Variants in ESYT2 observed in about 807,000 individuals in gnomAD.
ESYT2 encodes the protein extended synaptotagmin-2.
A neutral mutation model predicts 107.2 loss-of-function variants in ESYT2; 54 were observed. That is an observed-to-expected ratio of 0.50 (90% confidence interval 0.40 to 0.63). ESYT2 has a LOEUF of 0.63. Among genes scored for constraint, ESYT2 ranks in the 30% least tolerant of loss-of-function variants. The probability of loss-of-function intolerance (pLI) is 0.00; values close to 1 mark genes in which losing one functional copy is unlikely to be tolerated. For synonymous variants in ESYT2, 491 were observed against 434.1 expected (o/e 1.13, Z -1.63); for missense variants, 1,020 against 1,094.5 (o/e 0.93, Z 0.96).
intron 14 of ESYT2, among the ~76,000 whole-genome samples, chr7:158,750,307 G>A (rs1837540158): frequency 6.6e-6 from 1 of 152,002 alleles, no homozygotes; most frequent in South Asian, 2.1e-4. Context: ...ATATAAATAT[G>A]AAGAAAAAAT....
chr7:158,742,719 G>T (rs533073244), intron 17 of ESYT2, among the ~76,000 whole-genome samples: 1 of 152,318 alleles, frequency 6.6e-6, no homozygotes, highest in African/African-American at 2.4e-5. Flanking sequence ...CTCCACTCAC[G>T]TGACAGCTTA....
In ESYT2 at chr7:158,798,010, G is replaced by A. The variant is rs1371824641; in HGVS notation, c.439C>T (p.Pro147Ser). ...TGGGTGTTTGCTCCCCGCACGGCTG[G>A]TTCTATAGTTTCTCGAAACAACTTC... ...IEKLFRETIE[P>S]AVRGANTHLS... The change falls in exon 3 of 23, where the codon CCA becomes TCA. Residue 147 changes from proline to serine, a missense_variant. Physicochemically the swap from Pro to Ser is moderately conservative, Grantham distance 74. Transcript: ENST00000275418. 6.2e-7 allele frequency: 1 copy of A among 1,614,144 alleles called. No individual in the cohort carries two copies.
intron 6 of ESYT2, among the ~76,000 whole-genome samples, chr7:158,782,447 C>T (rs903648852): frequency 2.7e-5 from 4 of 150,814 alleles, no homozygotes; most frequent in Admixed American, 6.6e-5. Flanking sequence ...AGTGTAAGAA[C>T]GAGAACAAGT....
At chr7:158,798,535 A>G (rs1839537834) in intron 2 of ESYT2, among the ~76,000 whole-genome samples, 1 of 149,424 alleles carries the variant, frequency 6.7e-6, no homozygotes, top group African/African-American at 2.5e-5. Context: ...AATCCCAGCT[A>G]CTCGGGAGGC....
At chr7:158,812,250 G>A (rs1240401646) in intron 1 of ESYT2, among the ~76,000 whole-genome samples, 4 of 152,178 alleles carry the variant, frequency 2.6e-5, no homozygotes, top group Admixed American at 2.0e-4. Context: ...CAGCCACTTC[G>A]CCGAGACTGC....
In ESYT2 at chr7:158,733,538, A is replaced by C. The variant is rs529477594; in HGVS notation, c.*669T>G. Reference sequence around the variant, plus strand: ...TGACAATTCTCTTAATATATTACTCAGTTATAAAACATTTTTCCTTATAAG... The same window carrying C: ...TGACAATTCTCTTAATATATTACTCCGTTATAAAACATTTTTCCTTATAAG... On this transcript the variant is annotated 3_prime_UTR_variant, in exon 23 of 23. Transcript: ENST00000275418. 7 of 152,370 alleles carry C rather than the reference A, an allele frequency of 4.6e-5. No individual in the cohort carries two copies. Among genetic ancestry groups the C allele is most frequent in the African/African-American group, 1.7e-4 (7 of 41,596 alleles). 9.4% of individuals were successfully genotyped at this position (152,370 alleles called of 1,614,324 possible). A position where few individuals can be genotyped will look rare whatever the true frequency, so the allele number is the denominator to read the frequency against.
At chr7:158,791,438 T>A (rs1839290015) in intron 4 of ESYT2, among the ~76,000 whole-genome samples, 1 of 152,252 alleles carries the variant, frequency 6.6e-6, no homozygotes, top group Admixed American at 6.5e-5. Context: ...TTCGGGTATG[T>A]ACACAGAGGC....
chr7:158,819,809 AG>A (rs1263078064), intron 1 of ESYT2, among the ~76,000 whole-genome samples: 1 of 152,236 alleles, frequency 6.6e-6, no homozygotes, highest in East Asian at 1.9e-4. Flanking sequence ...AGAAAGATAA[AG>A]GGGGACTTCA....
In ESYT2 at chr7:158,793,680, T is replaced by A; in HGVS notation, c.554A>T (p.Lys185Ile). The change falls in exon 4 of 23, where the codon AAA (lysine) becomes ATA (isoleucine). Residue 185 changes from lysine to isoleucine, a missense_variant. Transcript: ENST00000275418. ...GVKVYTENVD[K>I]RQIILDLQIS... is the part of the protein sequence containing the mutation. ...CTGAAGGTCCAAAATAATTTGCCTT[T>A]TGTCTACATTTTCAGTGTATACCTT... 1.2e-6 allele frequency: 2 copies of A among 1,613,590 alleles called. No homozygotes were observed. Among genetic ancestry groups the A allele is most frequent in the Non-Finnish European group, 1.7e-6 (2 of 1,179,768 alleles).
intron 21 of ESYT2, 39 bp downstream of exon 21, chr7:158,735,464 A>G (rs1341744330): frequency 1.3e-6 from 2 of 1,552,094 alleles, no homozygotes. Context: ...TCAATTTTAC[A>G]AACTGCAGGA....
intron 4 of ESYT2, among the ~76,000 whole-genome samples, chr7:158,788,627 T>C (rs1387402054): frequency 1.3e-5 from 2 of 152,244 alleles, no homozygotes; most frequent in East Asian, 3.9e-4. Context: ...TGCTATGACG[T>C]TGGGAGGAAT....
chr7:158,811,542 C>T (rs1026442481), intron 1 of ESYT2, among the ~76,000 whole-genome samples: 4 of 152,204 alleles, frequency 2.6e-5, no homozygotes, highest in African/African-American at 9.6e-5. Context: ...TGCGCGTTCA[C>T]AGGAACACAC....
At chr7:158,736,600 T>A (rs1836960322) in intron 20 of ESYT2, among the ~76,000 whole-genome samples, 1 of 139,262 alleles carries the variant, frequency 7.2e-6, no homozygotes, top group Non-Finnish European at 1.5e-5. Context: ...ATAATACCAT[T>A]CTTTTCATTA....
In ESYT2 at chr7:158,788,034, T is replaced by C. The variant is rs147559310; in HGVS notation, c.717A>G (p.Gly239=). ...EPLIGDMPLV[G]ALSIFFLRKP... ...TCCTAAGGAAGAAGATAGACAAAGC[T>C]CCAACTAAGGGCATATCTCCAATCA... The change falls in exon 6 of 23, where the codon GGA becomes GGG. Residue 239 remains glycine, a synonymous_variant. Coordinates refer to ENST00000275418, the MANE Select transcript of ESYT2 (RefSeq NM_001367773.1). 265 of 1,613,922 alleles carry C rather than the reference T, an allele frequency of 1.6e-4. 1 individual carries two copies. The African/African-American group carries it at 3.2e-3, about 19-fold the overall frequency.
Position 158,741,516 on chromosome 7 carries a change from T to A in ESYT2, c.2168+7A>T. ...TGGTGAGAAACAACATGGTGGCACT[T>A]AGTTACTTTTCCAGCTGCCTCAGCC... On this transcript the variant is annotated splice_region_variant and intron_variant, in intron 18 of 22. Coordinates refer to ENST00000275418, the MANE Select transcript of ESYT2 (RefSeq NM_001367773.1). The A allele has an allele frequency of 6.4e-7, 1 of 1,560,648 alleles. No individual in the cohort carries two copies. The highest frequency in any genetic ancestry group is 1.4e-5 in the African/African-American group (1 of 73,396).
chr7:158,809,488 A>C (rs1390770256), intron 1 of ESYT2, among the ~76,000 whole-genome samples: 1 of 149,942 alleles, frequency 6.7e-6, no homozygotes, highest in Non-Finnish European at 1.5e-5. Flanking sequence ...AAAAAAAAAA[A>C]AAAAAAAAAC....
In ESYT2 at chr7:158,803,249, T is replaced by C. The variant is rs371405987; in HGVS notation, c.331-4177A>G. 2.2e-4 allele frequency among the ~76,000 whole-genome samples: 33 copies of C among 152,400 alleles called. No individual in the cohort carries two copies. The East Asian group carries it at 5.2e-3, about 24-fold the overall frequency. On this transcript the variant is annotated intron_variant, in intron 1 of 22. Coordinates refer to ENST00000275418, the MANE Select transcript of ESYT2 (RefSeq NM_001367773.1). ...CGTTCCTACACCACTTGGCTAGTTCTACGTTAAGCCTATAAAATGAACAAC... is the reference window on the plus strand; with the variant it reads ...CGTTCCTACACCACTTGGCTAGTTCCACGTTAAGCCTATAAAATGAACAAC...
At chr7:158,752,522 C>T (rs1837618990) in intron 14 of ESYT2, among the ~76,000 whole-genome samples, 5 of 152,180 alleles carry the variant, frequency 3.3e-5, no homozygotes, top group Non-Finnish European at 4.4e-5. Flanking sequence ...ATACTTAAAT[C>T]ACCTTAGAGA....
At chr7:158,771,530 G>A (rs185248698) in intron 7 of ESYT2, among the ~76,000 whole-genome samples, 100 of 152,324 alleles carry the variant, frequency 6.6e-4, no homozygotes, top group Non-Finnish European at 1.4e-3. Context: ...GGGACCTAGC[G>A]GGAAAGGCGA....
Sources: allele counts gnomAD v4.1 joint callset (sites outside exome capture counted in the v4.1 genomes callset), GRCh38; gene constraint gnomAD v4.1.1; transcripts MANE v1.5; gene names NCBI Gene and HGNC (gene_info 2026-07-23, HGNC 2026-07-21).